The following CD2AP variants were observed in gnomAD, a reference collection of about 807,000 sequenced individuals.
CD2AP encodes the protein CD2-associated protein.
A neutral mutation model predicts 85.1 loss-of-function variants in CD2AP; 46 were observed. The ratio of observed to expected loss-of-function variants is 0.54; its 90% CI spans 0.43 to 0.69. CD2AP has a LOEUF of 0.69. Ranked by LOEUF, CD2AP falls within the 30% of genes least tolerant of loss-of-function variation. The probability of loss-of-function intolerance (pLI) is 0.00; values close to 1 mark genes in which losing one functional copy is unlikely to be tolerated. For synonymous variants in CD2AP, 255 were observed against 252.9 expected (o/e 1.01, Z -0.08); for missense variants, 769 against 729.5 (o/e 1.05, Z -0.62).
chr6:47,548,600 C>T (rs994586121), intron 4 of CD2AP, among the ~76,000 whole-genome samples: 7 of 152,050 alleles, frequency 4.6e-5, no homozygotes, highest in Non-Finnish European at 7.4e-5. Context: ...CAGGACCAGA[C>T]GAATTCACAC....
chr6:47,611,348 T>TAATA (rs1429871016), intron 16 of CD2AP, among the ~76,000 whole-genome samples: 2 of 148,524 alleles, frequency 1.3e-5, no homozygotes, highest in Non-Finnish European at 3.0e-5. Flanking sequence ...AAATAAATAA[T>TAATA]AATAAATACT....
intron 1 of CD2AP, among the ~76,000 whole-genome samples, chr6:47,500,171 T>A (rs1456300407): frequency 2.6e-5 from 4 of 152,258 alleles, no homozygotes; most frequent in Non-Finnish European, 5.9e-5. Context: ...TATTTTTTAT[T>A]TTTTTGTAGA....
Position 47,609,312 on chromosome 6 carries a change from G to T in CD2AP, c.1814+8G>T. ...ACTGAAAAAGGATCACGGGTAAGTA[G>T]CCCTTCTTTTCTCCTGTGAGTACTA... On this transcript the variant is annotated splice_region_variant and intron_variant, in intron 16 of 17. Coordinates refer to ENST00000359314, the MANE Select transcript of CD2AP (RefSeq NM_012120.3). 1 of 1,607,960 alleles carries T rather than the reference G, an allele frequency of 6.2e-7. No homozygotes were observed. The highest frequency in any genetic ancestry group is 8.5e-7 in the Non-Finnish European group (1 of 1,174,974).
chr6:47,616,482 T>A (rs1769589392), intron 17 of CD2AP, among the ~76,000 whole-genome samples: 1 of 152,214 alleles, frequency 6.6e-6, no homozygotes, highest in South Asian at 2.1e-4. Flanking sequence ...GCAAGTCACT[T>A]AACCTCCTTT....
At chr6:47,506,620 C>T (rs1374996320) in intron 2 of CD2AP, among the ~76,000 whole-genome samples, 10 of 124,414 alleles carry the variant, frequency 8.0e-5, no homozygotes, top group Admixed American at 5.5e-4. Flanking sequence ...GCCAACACAG[C>T]GAAACCCCGT....
At chr6:47,519,651 T>C (rs572457466) in intron 2 of CD2AP, among the ~76,000 whole-genome samples, 3 of 152,328 alleles carry the variant, frequency 2.0e-5, no homozygotes, top group South Asian at 2.1e-4. Context: ...TATGTAGATA[T>C]ATAGTGGAAT....
chr6:47,614,301 A>C (rs1293267025), intron 17 of CD2AP, among the ~76,000 whole-genome samples: 1 of 152,130 alleles, frequency 6.6e-6, no homozygotes, highest in East Asian at 1.9e-4. Context: ...AGTCATTTGT[A>C]ACTTTTTATT....
At chr6:47,533,482 A>G in intron 2 of CD2AP, 120 bp from the exon 3 acceptor site, 1 of 953,466 alleles carries the variant, frequency 1.0e-6, no homozygotes. Flanking sequence ...AAGGTTGGAA[A>G]CTATTGATAT....
intron 16 of CD2AP, among the ~76,000 whole-genome samples, chr6:47,611,407 G>T (rs557070925): frequency 6.6e-6 from 1 of 151,630 alleles, no homozygotes; most frequent in Non-Finnish European, 1.5e-5. Context: ...AAGGAAAGAG[G>T]GTCGCTTTTT....
intron 2 of CD2AP, among the ~76,000 whole-genome samples, chr6:47,519,447 A>C (rs1766529298): frequency 6.6e-6 from 1 of 152,166 alleles, no homozygotes; most frequent in Non-Finnish European, 1.5e-5. Flanking sequence ...CGGCCTTTGG[A>C]ATCAGGATGT....
In CD2AP at chr6:47,610,972, T is replaced by TATATATATATATATATATATATATA. The variant is rs1491427733; in HGVS notation, c.1815-1501_1815-1500insATATATATATATATATATATATATA. ...ATTTATATATATATATATATATGTA[T>TATATATATATATATATATATATATA]TTTTTTTTTTTTTTGAATATAAAAC... On this transcript the variant is annotated intron_variant, in intron 16 of 17. Coordinates refer to ENST00000359314, the MANE Select transcript of CD2AP (RefSeq NM_012120.3). Among the ~76,000 whole-genome samples, 103 of 56,244 alleles carry TATATATATATATATATATATATATA rather than the reference T, an allele frequency of 1.8e-3. 2 individuals are homozygous for TATATATATATATATATATATATATA. The highest frequency in any genetic ancestry group is 7.1e-3 in the African/African-American group (85 of 12,048). The allele number at this position is 56,244 out of a possible 152,430, so 36.9% of individuals were successfully genotyped here. A position where few individuals can be genotyped will look rare whatever the true frequency, so the allele number is the denominator to read the frequency against.
intron 2 of CD2AP, among the ~76,000 whole-genome samples, chr6:47,533,399 C>G (rs751365763): frequency 2.0e-5 from 3 of 152,074 alleles, no homozygotes; most frequent in South Asian, 2.1e-4. Context: ...ATCTCCAGTT[C>G]TGATAAAACT....
In CD2AP at chr6:47,585,833, G is replaced by T. The variant is rs1252123672; in HGVS notation, c.1108+3768G>T. On this transcript the variant is annotated intron_variant, in intron 11 of 17. Transcript: ENST00000359314. ...ATTTTTCCATGAGCCAGAGTAGAAA[G>T]ATCTCATAATATATAGCACATTGGA... is the stretch of plus-strand genomic sequence containing the variant. Among the ~76,000 whole-genome samples the T allele has an allele frequency of 3.3e-5, 5 of 152,308 alleles. No individual in the cohort carries two copies. In the South Asian group the frequency reaches 6.2e-4, roughly 19 times the overall value.
chr6:47,498,398 C>A (rs1029366037), intron 1 of CD2AP, among the ~76,000 whole-genome samples: 1 of 152,138 alleles, frequency 6.6e-6, no homozygotes, highest in African/African-American at 2.4e-5. Flanking sequence ...TATGAAATTG[C>A]ACCGAATATG....
intron 5 of CD2AP, among the ~76,000 whole-genome samples, chr6:47,559,828 G>A (rs1358266544): frequency 6.6e-6 from 1 of 152,128 alleles, no homozygotes; most frequent in African/African-American, 2.4e-5. Context: ...GGCTTTTGCT[G>A]TGGTAGAAAA....
At chr6:47,522,946 A>G (rs1766633925) in intron 2 of CD2AP, among the ~76,000 whole-genome samples, 1 of 151,988 alleles carries the variant, frequency 6.6e-6, no homozygotes, top group Non-Finnish European at 1.5e-5. Flanking sequence ...AGTCTCATTG[A>G]TTTAGAAAAA....
intron 5 of CD2AP, among the ~76,000 whole-genome samples, chr6:47,569,483 G>A (rs1048462000): frequency 6.6e-6 from 1 of 151,654 alleles, no homozygotes; most frequent in Non-Finnish European, 1.5e-5. Context: ...GAGATGAAGA[G>A]GTTCCAGCAG....
At chr6:47,512,048 C>T (rs1054372255) in intron 2 of CD2AP, among the ~76,000 whole-genome samples, 1 of 151,980 alleles carries the variant, frequency 6.6e-6, no homozygotes, top group Non-Finnish European at 1.5e-5. Flanking sequence ...GTCCCAGCTA[C>T]TTGGGAGGCT....
At chr6:47,597,418 A>G (rs1162503761) in intron 12 of CD2AP, among the ~76,000 whole-genome samples, 9 of 150,592 alleles carry the variant, frequency 6.0e-5, no homozygotes, top group East Asian at 1.9e-4. Flanking sequence ...AGCATAGAGG[A>G]CCCAGAGGCT....
Sources: allele counts gnomAD v4.1 joint callset (sites outside exome capture counted in the v4.1 genomes callset), GRCh38; gene constraint gnomAD v4.1.1; transcripts MANE v1.5; gene names NCBI Gene and HGNC (gene_info 2026-07-23, HGNC 2026-07-21).